ZNF776: variants seen among roughly 807,000 people sequenced by gnomAD.
The protein encoded by ZNF776 is zinc finger protein 776.
ZNF776 carries 4 observed loss-of-function variants against 7.0 expected under a neutral mutation model. The observed-to-expected ratio is 0.57, with a 90% CI of 0.28 to 1.31. The LOEUF is 1.31. Ranked by LOEUF, ZNF776 falls within the 50% of genes most tolerant of loss-of-function variation. The pLI, the probability that ZNF776 is intolerant of heterozygous loss-of-function variation, is 0.10. For synonymous variants in ZNF776, 212 were observed against 213.7 expected (o/e 0.99, Z 0.07); for missense variants, 555 against 625.9 (o/e 0.89, Z 1.21).
At chr19:57,749,697 A>C (rs1464138090) in intron 1 of ZNF776, among the ~76,000 whole-genome samples, 3 of 152,174 alleles carry the variant, frequency 2.0e-5, no homozygotes, top group Admixed American at 2.0e-4. Flanking sequence ...GACCAGGCAG[A>C]ATTCCTGGTT....
In ZNF776 at chr19:57,754,761, G is replaced by A; in HGVS notation, c.*74G>A. The stretch of plus-strand genomic sequence containing the variant: ...TGAGATCACACTGGAAAGCACTTAT[G>A]AGTATGGAGAATGTGCAAAATCATC... On this transcript the variant is annotated 3_prime_UTR_variant, in exon 3 of 3. Coordinates refer to ENST00000317178, the MANE Select transcript of ZNF776 (RefSeq NM_173632.4). 6.8e-7 allele frequency: 1 copy of A among 1,471,846 alleles called. No individual in the cohort carries two copies. The highest frequency in any genetic ancestry group is 9.2e-7 in the Non-Finnish European group (1 of 1,084,526). 91.2% of individuals were successfully genotyped at this position (1,471,846 alleles called of 1,614,324 possible). A position where few individuals can be genotyped will look rare whatever the true frequency, so the allele number is the denominator to read the frequency against.
rs764062657 is a variant in ZNF776, at chr19:57,747,043, T to G, written c.-16T>G. On this transcript the variant is annotated 5_prime_UTR_variant, in exon 1 of 3. Transcript: ENST00000317178. ...CTCGCCCCCTCCTTTCGACCCCGCTTTCCCCACCCAGTCGGATGGCGGCGG... is the reference window on the plus strand; with the variant it reads ...CTCGCCCCCTCCTTTCGACCCCGCTGTCCCCACCCAGTCGGATGGCGGCGG... 8.2e-6 allele frequency: 13 copies of G among 1,581,216 alleles called. No homozygotes were observed. Among genetic ancestry groups the G allele is most frequent in the Non-Finnish European group, 1.1e-5 (13 of 1,163,470 alleles).
chr19:57,747,371 T>G (rs1213555341), intron 1 of ZNF776, among the ~76,000 whole-genome samples: 3 of 151,910 alleles, frequency 2.0e-5, no homozygotes, highest in Non-Finnish European at 2.9e-5. Flanking sequence ...GAGGCAGAGC[T>G]CCTCCTGGAA....
chr19:57,751,002 A>G, intron 2 of ZNF776, 91 bp downstream of exon 2: 3 of 1,432,366 alleles, frequency 2.1e-6, no homozygotes, highest in Admixed American at 2.6e-5. Flanking sequence ...TCCTCACTTC[A>G]GGAGCCTGGG....
chr19:57,754,124 A>C lies in ZNF776; in HGVS notation c.994A>C (p.Lys332Gln), dbSNP rs763658521. The C allele has an allele frequency of 2.5e-6, 4 of 1,614,124 alleles. No individual in the cohort carries two copies. Among genetic ancestry groups the C allele is most frequent in the Non-Finnish European group, 3.4e-6 (4 of 1,179,984 alleles). The change falls in exon 3 of 3, where the codon AAG becomes CAG. Residue 332 changes from lysine (K) to glutamine (Q), a missense_variant. Physicochemically the swap from Lys to Gln is moderately conservative, Grantham distance 53. Coordinates refer to ENST00000317178, the MANE Select transcript of ZNF776 (RefSeq NM_173632.4). ...CGAATGTGGGAAATCTTTTAGCCAT[A>C]AGCGCAGCCTTGTTCACCACCAGCG... ...CDECGKSFSH[K>Q]RSLVHHQRVH... is the part of the protein sequence containing the mutation.
In ZNF776 at chr19:57,754,225, G is replaced by A. The variant is rs2122521589; in HGVS notation, c.1095G>A (p.Gln365=). 1.2e-6 allele frequency: 2 copies of A among 1,612,700 alleles called. No individual in the cohort carries two copies. Among genetic ancestry groups the A allele is most frequent in the African/African-American group, 2.7e-5 (2 of 74,510 alleles). Residue 365 remains glutamine (Q), a synonymous_variant, in exon 3 of 3, where the codon CAG becomes CAA. Coordinates refer to ENST00000317178, the MANE Select transcript of ZNF776 (RefSeq NM_173632.4). ...TTAATCACAAGTGCAACCTCATTCA[G>A]CATCAGCGAGTTCACACTGGAGAAA... ...KSFNHKCNLI[Q]HQRVHTGERP...
At position 57,753,895 on chromosome 19, in the gene ZNF776, G is replaced by C. The variant is rs763088724; in HGVS notation, c.765G>C (p.Gln255His). ...TSKSNSFNNH[Q>H]GVRTGKRPYQ... ...AAAGTAATAGTTTTAATAATCATCA[G>C]GGAGTTCGCACTGGAAAAAGACCTT... The change falls in exon 3 of 3, where the codon CAG (glutamine) becomes CAC (histidine). Residue 255 changes from glutamine to histidine, a missense_variant. Coordinates refer to ENST00000317178, the MANE Select transcript of ZNF776 (RefSeq NM_173632.4). The C allele has an allele frequency of 2.5e-6, 4 of 1,614,240 alleles. No homozygotes were observed. Among genetic ancestry groups the C allele is most frequent in the Non-Finnish European group, 3.4e-6 (4 of 1,180,052 alleles).
rs1015715579 is a variant in ZNF776 at position 57,753,934 on chromosome 19, A to C, written c.804A>C (p.Gln268His). Reference sequence around the variant, plus strand: ...GAAAAAGACCTTATCAGTGTGGACAATGTGATGAATCATTTTGGTATAAGG... The same window carrying C: ...GAAAAAGACCTTATCAGTGTGGACACTGTGATGAATCATTTTGGTATAAGG... ...RTGKRPYQCG[Q>H]CDESFWYKAH... Residue 268 changes from glutamine to histidine, a missense_variant, in exon 3 of 3, where the codon CAA (glutamine) becomes CAC (histidine). Gln to His is a conservative substitution (Grantham distance 24). Transcript: ENST00000317178. 4 of 1,614,254 alleles carry C rather than the reference A, an allele frequency of 2.5e-6. No homozygotes were observed. Among genetic ancestry groups the C allele is most frequent in the South Asian group, 2.2e-5 (2 of 91,090 alleles).
chr19:57,757,073 T>A lies in ZNF776; in HGVS notation c.*2386T>A, dbSNP rs1244890605. The stretch of plus-strand genomic sequence containing the variant: ...CTGATGTTCAACTCCTGGCCTCAAG[T>A]AATCCTCTAGCATACGCCCTTGAAA... On this transcript the variant is annotated 3_prime_UTR_variant, in exon 3 of 3. Coordinates refer to ENST00000317178, the MANE Select transcript of ZNF776 (RefSeq NM_173632.4). The A allele has an allele frequency of 7.4e-6, 2 of 269,300 alleles. No homozygotes were observed. Among genetic ancestry groups the A allele is most frequent in the Non-Finnish European group, 7.5e-6 (1 of 133,628 alleles). The allele number at this position is 269,300 out of a possible 1,614,324, so 16.7% of individuals were successfully genotyped here.
rs1384882800 is a variant in ZNF776 at position 57,746,862 on chromosome 19, C to T, written c.-197C>T. The T allele has an allele frequency of 2.8e-5, 13 of 468,756 alleles. No homozygotes were observed. In the South Asian group the frequency reaches 3.6e-4, roughly 13 times the overall value. The allele number at this position is 468,756 out of a possible 1,614,324, so 29.0% of individuals were successfully genotyped here. ...GGGTGTATTTTCCAGTGAGAGACCG[C>T]GGAGTGTTGGGTCGTGTAGAAGTGA... On this transcript the variant is annotated 5_prime_UTR_variant, in exon 1 of 3. Transcript: ENST00000317178.
Position 57,754,792 on chromosome 19 carries a change from A to G in ZNF776, c.*105A>G, listed in dbSNP as rs1986728647. The stretch of plus-strand genomic sequence containing the variant: ...GGAGAATGTGCAAAATCATCTAGCC[A>G]AAAGGTTGGCCTCATTCAACAATAG... On this transcript the variant is annotated 3_prime_UTR_variant, in exon 3 of 3. Coordinates refer to ENST00000317178, the MANE Select transcript of ZNF776 (RefSeq NM_173632.4). The G allele has an allele frequency of 8.1e-7, 1 of 1,227,882 alleles. No homozygotes were observed. The highest frequency in any genetic ancestry group is 2.4e-5 in the East Asian group (1 of 41,432). The allele number at this position is 1,227,882 out of a possible 1,614,324, so 76.1% of individuals were successfully genotyped here. A position where few individuals can be genotyped will look rare whatever the true frequency, so the allele number is the denominator to read the frequency against.
intron 1 of ZNF776, among the ~76,000 whole-genome samples, chr19:57,747,372 C>T (rs1265929207): frequency 6.6e-6 from 1 of 152,152 alleles, no homozygotes; most frequent in Non-Finnish European, 1.5e-5. Context: ...AGGCAGAGCT[C>T]CTCCTGGAAG....
intron 1 of ZNF776, among the ~76,000 whole-genome samples, chr19:57,749,772 C>T (rs943875271): frequency 4.6e-5 from 7 of 152,302 alleles, no homozygotes; most frequent in Middle Eastern, 3.4e-3. Flanking sequence ...AAGCCAGTTG[C>T]ATCCTCCTAA....
At chr19:57,751,925 G>T (rs9748970) in intron 2 of ZNF776, among the ~76,000 whole-genome samples, 4,565 of 134,314 alleles carry the variant, frequency 0.034, 251 homozygotes, top group African/African-American at 0.11. Context: ...AGGCTGGAGT[G>T]CAGTGGCCCA....
chr19:57,750,508 A>G (rs1055766055), intron 1 of ZNF776, among the ~76,000 whole-genome samples: 1 of 152,068 alleles, frequency 6.6e-6, no homozygotes, highest in South Asian at 2.1e-4. Context: ...AGGATGCTGC[A>G]TTGGGATTTA....
At position 57,756,966 on chromosome 19, in the gene ZNF776, C is replaced by T; in HGVS notation, c.*2279C>T. 2.5e-6 allele frequency: 1 copy of T among 406,560 alleles called. No homozygotes were observed. The highest frequency in any genetic ancestry group is 1.8e-5 in the South Asian group (1 of 56,612). The allele number at this position is 406,560 out of a possible 1,614,324, so 25.2% of individuals were successfully genotyped here. A position where few individuals can be genotyped will look rare whatever the true frequency, so the allele number is the denominator to read the frequency against. ...CTCCTGGGCTCAAGTGATCCTCCTG[C>T]CTCAGCCTCCCGAGTACCTGAGATT... On this transcript the variant is annotated 3_prime_UTR_variant, in exon 3 of 3. Transcript: ENST00000317178.
rs1344424781 is a variant in ZNF776, at chr19:57,754,494, C to G, written c.1364C>G (p.Ser455Cys). Residue 455 changes from serine to cysteine, a missense_variant, in exon 3 of 3, where the codon TCT becomes TGT. Transcript: ENST00000317178. ...CTCATTCAACATCAGCAGATCCACTCTGGAGAAAGGCCACATGAGTGTGGA... is the reference window on the plus strand; with the variant it reads ...CTCATTCAACATCAGCAGATCCACTGTGGAGAAAGGCCACATGAGTGTGGA... ...GSLIQHQQIHSGERPHECGEC... is the reference protein window; with the variant it reads ...GSLIQHQQIHCGERPHECGEC... 1 of 1,614,172 alleles carries G rather than the reference C, an allele frequency of 6.2e-7. No individual in the cohort carries two copies. The highest frequency in any genetic ancestry group is 8.5e-7 in the Non-Finnish European group (1 of 1,180,020).
intron 2 of ZNF776, among the ~76,000 whole-genome samples, chr19:57,752,063 G>A (rs908060896): frequency 1.1e-4 from 16 of 151,820 alleles, no homozygotes; most frequent in East Asian, 1.9e-4. Context: ...TAGTAGAGAC[G>A]GGGTTTCACC....
chr19:57,749,690 C>G (rs1986545579), intron 1 of ZNF776, among the ~76,000 whole-genome samples: 1 of 152,052 alleles, frequency 6.6e-6, no homozygotes, highest in Non-Finnish European at 1.5e-5. Flanking sequence ...TTAGGGAGAC[C>G]AGGCAGAATT....
Sources: allele counts gnomAD v4.1 joint callset (sites outside exome capture counted in the v4.1 genomes callset), GRCh38; gene constraint gnomAD v4.1.1; transcripts MANE v1.5; gene names NCBI Gene and HGNC (gene_info 2026-07-23, HGNC 2026-07-21).